RNF220: variants seen among roughly 807,000 people sequenced by gnomAD.
The protein encoded by RNF220 is E3 ubiquitin-protein ligase RNF220.
RNF220 carries 7 observed loss-of-function variants against 67.1 expected under a neutral mutation model. That is an observed-to-expected ratio of 0.10 (90% CI 0.06 to 0.20). The LOEUF (loss-of-function observed/expected upper bound fraction) is 0.20, where lower values mean the gene tolerates loss of function less well. Among genes scored for constraint, RNF220 ranks in the 10% least tolerant of loss-of-function variants. The pLI is 1.00. For synonymous variants in RNF220, 270 were observed against 283.2 expected (o/e 0.95, Z 0.47); for missense variants, 565 against 740.3 (o/e 0.76, Z 2.75).
At chr1:44,438,260 A>G (rs904528587) in intron 2 of RNF220, among the ~76,000 whole-genome samples, 1 of 152,062 alleles carries the variant, frequency 6.6e-6, no homozygotes, top group African/African-American at 2.4e-5. Context: ...AGCTGGGACT[A>G]CAGGCACACA....
chr1:44,455,032 T>C (rs1261545644), intron 2 of RNF220, among the ~76,000 whole-genome samples: 1 of 152,230 alleles, frequency 6.6e-6, no homozygotes, highest in African/African-American at 2.4e-5. Context: ...AAACGTAAGT[T>C]TTCTTTATTC....
chr1:44,641,522 T>A (rs1644487976), intron 8 of RNF220, among the ~76,000 whole-genome samples: 1 of 152,170 alleles, frequency 6.6e-6, no homozygotes, highest in African/African-American at 2.4e-5. Flanking sequence ...TGGCTTGGGA[T>A]ATTCCAGCAG....
chr1:44,589,647 A>C (rs1665976535), intron 2 of RNF220, among the ~76,000 whole-genome samples: 1 of 151,070 alleles, frequency 6.6e-6, no homozygotes, highest in Non-Finnish European at 1.5e-5. Flanking sequence ...TCCACCTCCT[A>C]AAGGTGGAGT....
intron 2 of RNF220, among the ~76,000 whole-genome samples, chr1:44,531,270 A>G (rs1313432438): frequency 6.6e-6 from 1 of 152,118 alleles, no homozygotes. Flanking sequence ...CTTCTGTCCC[A>G]TTTCTCATGC....
At chr1:44,488,733 T>TC (rs1292794403) in intron 2 of RNF220, among the ~76,000 whole-genome samples, 2 of 141,848 alleles carry the variant, frequency 1.4e-5, no homozygotes, top group Admixed American at 7.0e-5. Context: ...TTTTCTTTTT[T>TC]TTTTTTTTTT....
chr1:44,441,698 T>C (rs1038058414), intron 2 of RNF220, among the ~76,000 whole-genome samples: 2 of 152,200 alleles, frequency 1.3e-5, no homozygotes, highest in African/African-American at 4.8e-5. Context: ...AGAAGGTTAG[T>C]GATCTCAGTT....
intron 2 of RNF220, among the ~76,000 whole-genome samples, chr1:44,431,158 A>G (rs1650322487): frequency 6.6e-6 from 1 of 152,190 alleles, no homozygotes. Context: ...CCGTCCAAAA[A>G]GCACAGACTG....
In RNF220 at chr1:44,509,573, T is replaced by G. The variant is rs184309127; in HGVS notation, c.625+96851T>G. 8.3e-3 allele frequency among the ~76,000 whole-genome samples: 1,115 copies of G among 134,322 alleles called. 23 individuals are homozygous for G. Among genetic ancestry groups the G allele is most frequent in the African/African-American group, 0.029 (1,056 of 36,118 alleles). 88.1% of individuals were successfully genotyped at this position (134,322 alleles called of 152,430 possible). ...TCAAAAAAAAAAAAAAAGAAATAAA[T>G]AAATAAAAGAAAAGAAAAAGAAAAT... On this transcript the variant is annotated intron_variant, in intron 2 of 14. Transcript: ENST00000361799.
chr1:44,546,105 A>G (rs1662118603), intron 2 of RNF220, among the ~76,000 whole-genome samples: 1 of 152,174 alleles, frequency 6.6e-6, no homozygotes, highest in Non-Finnish European at 1.5e-5. Context: ...AGGAGGTGGA[A>G]GGTGTGACAA....
chr1:44,604,616 C>A (rs1037975130), intron 2 of RNF220, among the ~76,000 whole-genome samples: 5 of 152,232 alleles, frequency 3.3e-5, no homozygotes, highest in African/African-American at 9.6e-5. Context: ...TGGCCTGGAG[C>A]CTTTGGCTCC....
intron 2 of RNF220, among the ~76,000 whole-genome samples, chr1:44,470,234 G>T (rs1654681627): frequency 6.6e-6 from 1 of 152,170 alleles, no homozygotes; most frequent in Non-Finnish European, 1.5e-5. Context: ...GTGACAAAGA[G>T]GAAGGAAATA....
chr1:44,502,157 T>A (rs5773838), intron 2 of RNF220, among the ~76,000 whole-genome samples: 25,522 of 144,142 alleles, frequency 0.18, 2,989 homozygotes, highest in East Asian at 0.48. Context: ...TCTCTCTCTC[T>A]CACACACACA....
intron 2 of RNF220, among the ~76,000 whole-genome samples, chr1:44,470,813 T>C (rs560350023): frequency 6.6e-6 from 1 of 152,346 alleles, no homozygotes; most frequent in Admixed American, 6.5e-5. Context: ...TCATTTACTT[T>C]CCTATTTCTT....
rs796131470 is a variant in RNF220, at chr1:44,520,128, T to TGTGTGTGAGA, written c.626-94036_626-94035insTGTGTGAGAG. Among the ~76,000 whole-genome samples, 470 of 113,414 alleles carry TGTGTGTGAGA rather than the reference T, an allele frequency of 4.1e-3. 5 individuals carry two copies. Among genetic ancestry groups the TGTGTGTGAGA allele is most frequent in the African/African-American group, 0.011 (335 of 31,126 alleles). 74.4% of individuals were successfully genotyped at this position (113,414 alleles called of 152,430 possible). On this transcript the variant is annotated intron_variant, in intron 2 of 14. Transcript: ENST00000361799. ...GTGTGTGTGTGTGTGTGTGTGTGTGTGAGAGAGAGAGAGAGAGAAAGAGAG... is the reference window on the plus strand; with the variant it reads ...GTGTGTGTGTGTGTGTGTGTGTGTGTGTGTGTGAGAGAGAGAGAGAGAGAGAGAAAGAGAG...
At chr1:44,648,308 T>C (rs928302336) in intron 12 of RNF220, 2 of 152,266 alleles carry the variant, frequency 1.3e-5, no homozygotes, top group Admixed American at 1.3e-4. Context: ...TATGGGGTTT[T>C]TGTAAGGTGT....
In RNF220 at chr1:44,611,714, C is replaced by T. The variant is rs543202715; in HGVS notation, c.626-2451C>T. Among the ~76,000 whole-genome samples the T allele has an allele frequency of 7.9e-5, 12 of 152,240 alleles. No homozygotes were observed. In the South Asian group the frequency reaches 1.2e-3, roughly 16 times the overall value. On this transcript the variant is annotated intron_variant, in intron 2 of 14. Transcript: ENST00000361799. The stretch of plus-strand genomic sequence containing the variant: ...TTCTCACCAGCACTGACTGCAGTCA[C>T]GGGCTCTCTTTTTGCCTTTCCTACT...
At chr1:44,508,228 A>T (rs527606550) in intron 2 of RNF220, among the ~76,000 whole-genome samples, 3 of 147,258 alleles carry the variant, frequency 2.0e-5, no homozygotes, top group African/African-American at 7.6e-5. Flanking sequence ...CAGGCGGGGG[A>T]CCCCCTCCTG....
In RNF220 at chr1:44,530,096, C is replaced by A. The variant is rs539481850; in HGVS notation, c.626-84069C>A. On this transcript the variant is annotated intron_variant, in intron 2 of 14. Transcript: ENST00000361799. ...AAATTAAATAATAAAAAATAAGCAACAACATACTTTTTTTGTGAGTATAAA... is the reference window on the plus strand; with the variant it reads ...AAATTAAATAATAAAAAATAAGCAAAAACATACTTTTTTTGTGAGTATAAA... Among the ~76,000 whole-genome samples, 10 of 151,700 alleles carry A rather than the reference C, an allele frequency of 6.6e-5. No individual in the cohort carries two copies. The East Asian group carries it at 1.7e-3, about 26-fold the overall frequency.
At chr1:44,638,044 G>A (rs1389091669) in intron 8 of RNF220, among the ~76,000 whole-genome samples, 3 of 152,276 alleles carry the variant, frequency 2.0e-5, no homozygotes, top group African/African-American at 7.2e-5. Context: ...AGGCTCCTCA[G>A]TGGGGGGGCT....
Sources: gnomAD v4.1 joint callset for allele counts (sites outside exome capture counted in the v4.1 genomes callset) on GRCh38, gnomAD v4.1.1 for gene constraint, MANE v1.5 for transcripts, NCBI Gene and HGNC (gene_info 2026-07-23, HGNC 2026-07-21) for gene names.